The following FAM78B variants were observed in gnomAD, a reference collection of about 807,000 sequenced individuals.
The protein encoded by FAM78B is protein FAM78B.
In FAM78B, 10 loss-of-function variants were observed where a neutral mutation model predicts 20.0. That is an observed-to-expected ratio of 0.50 (90% CI 0.31 to 0.85). The LOEUF is 0.85. Ranked by LOEUF, FAM78B falls within the 40% of genes least tolerant of loss-of-function variation. The pLI, the probability that FAM78B is intolerant of heterozygous loss-of-function variation, is 0.05. For synonymous variants in FAM78B, 135 were observed against 132.8 expected (o/e 1.02, Z -0.12); for missense variants, 283 against 345.0 (o/e 0.82, Z 1.42).
At chr1:166,062,063 G>A (rs1253243510) in intron 2 of FAM78B, among the ~76,000 whole-genome samples, 2 of 152,176 alleles carry the variant, frequency 1.3e-5, no homozygotes, top group Middle Eastern at 3.2e-3. Context: ...TTAAATGCAC[G>A]TTTGGATTCT....
intron 1 of FAM78B, among the ~76,000 whole-genome samples, chr1:166,148,128 A>G (rs1655534553): frequency 6.6e-6 from 1 of 152,236 alleles, no homozygotes; most frequent in South Asian, 2.1e-4. Flanking sequence ...AGATGAATGC[A>G]AAGTAAGATA....
rs1651957115 is a variant in FAM78B at position 166,070,054 on chromosome 1, G to A, written c.*187C>T. 2 of 1,265,586 alleles carry A rather than the reference G, an allele frequency of 1.6e-6. No homozygotes were observed. 78.4% of individuals were successfully genotyped at this position (1,265,586 alleles called of 1,614,324 possible). ...GATTTCTTTATTCCTAAGAGGAAGG[G>A]ATTTTTCCTAAGGATTATGGTTCTA... On this transcript the variant is annotated 3_prime_UTR_variant, in exon 2 of 2. Coordinates refer to ENST00000354422, the MANE Select transcript of FAM78B (RefSeq NM_001017961.5).
chr1:166,109,900 A>ATGTG lies in FAM78B; in HGVS notation c.264-39138_264-39137insCACA, dbSNP rs1553219518. ...TATATATGTATATATGTATATATAT[A>ATGTG]TATATATATATATATATATAATGGA... is the stretch of plus-strand genomic sequence containing the variant. On this transcript the variant is annotated intron_variant, in intron 1 of 1. Transcript: ENST00000354422. Among the ~76,000 whole-genome samples, 4 of 102,780 alleles carry ATGTG rather than the reference A, an allele frequency of 3.9e-5. 2 individuals are homozygous for ATGTG. The highest frequency in any genetic ancestry group is 6.8e-4 in the South Asian group (2 of 2,928). 67.4% of individuals were successfully genotyped at this position (102,780 alleles called of 152,430 possible). A position where few individuals can be genotyped will look rare whatever the true frequency, so the allele number is the denominator to read the frequency against.
At chr1:166,063,542 A>G (rs1171410406) in intron 2 of FAM78B, among the ~76,000 whole-genome samples, 3 of 151,716 alleles carry the variant, frequency 2.0e-5, no homozygotes, top group Non-Finnish European at 2.9e-5. Context: ...ACAATATAGC[A>G]AGACTCCAGC....
At chr1:166,153,365 G>A (rs958808790) in intron 1 of FAM78B, among the ~76,000 whole-genome samples, 1 of 152,220 alleles carries the variant, frequency 6.6e-6, no homozygotes, top group Non-Finnish European at 1.5e-5. Flanking sequence ...CCCAAGACAA[G>A]CAGAGGGTCA....
chr1:166,107,639 C>T (rs1476734812), intron 1 of FAM78B, among the ~76,000 whole-genome samples: 1 of 152,102 alleles, frequency 6.6e-6, no homozygotes, highest in South Asian at 2.1e-4. Context: ...CTAATTCATT[C>T]TATGAAGCCA....
At chr1:166,136,561 C>T (rs1655072449) in intron 1 of FAM78B, among the ~76,000 whole-genome samples, 1 of 152,136 alleles carries the variant, frequency 6.6e-6, no homozygotes. Flanking sequence ...CTCTTTACAA[C>T]AGCATAACTT....
Position 166,166,465 on chromosome 1 carries a change from G to A in FAM78B, c.-217C>T, listed in dbSNP as rs2101812152. On this transcript the variant is annotated 5_prime_UTR_variant, in exon 1 of 2. Transcript: ENST00000354422. ...GCTGCCCCGACGTCCGCCCACGCCC[G>A]CCCCCTCGCTCCGGCAGGGCGCGCG... is the stretch of plus-strand genomic sequence containing the variant. The A allele has an allele frequency of 9.8e-6, 2 of 203,756 alleles. No homozygotes were observed. The highest frequency in any genetic ancestry group is 1.8e-4 in the East Asian group (1 of 5,654). The allele number at this position is 203,756 out of a possible 1,614,324, so 12.6% of individuals were successfully genotyped here. A position where few individuals can be genotyped will look rare whatever the true frequency, so the allele number is the denominator to read the frequency against.
At chr1:166,106,973 A>C (rs967918226) in intron 1 of FAM78B, among the ~76,000 whole-genome samples, 1 of 152,144 alleles carries the variant, frequency 6.6e-6, no homozygotes, top group African/African-American at 2.4e-5. Context: ...GACACAACCT[A>C]CCGAAATCTC....
chr1:166,113,485 C>T (rs1310586195), intron 1 of FAM78B, among the ~76,000 whole-genome samples: 2 of 152,202 alleles, frequency 1.3e-5, no homozygotes, highest in Non-Finnish European at 2.9e-5. Flanking sequence ...ACTAAGCATA[C>T]AACTAAATTT....
chr1:166,096,799 C>G (rs1041959651), intron 1 of FAM78B, among the ~76,000 whole-genome samples: 1 of 152,108 alleles, frequency 6.6e-6, no homozygotes, highest in African/African-American at 2.4e-5. Context: ...GTCCTACGAT[C>G]CAGAGAAGAT....
At chr1:166,153,846 C>A (rs1045860172) in intron 1 of FAM78B, among the ~76,000 whole-genome samples, 2 of 152,156 alleles carry the variant, frequency 1.3e-5, no homozygotes, top group African/African-American at 4.8e-5. Flanking sequence ...TCTATACCCC[C>A]CTTAGATCCC....
intron 1 of FAM78B, among the ~76,000 whole-genome samples, chr1:166,156,724 A>G (rs1468679674): frequency 2.6e-5 from 4 of 152,124 alleles, no homozygotes; most frequent in Non-Finnish European, 4.4e-5. Flanking sequence ...TGTTGGTCTC[A>G]CTGTCCCCCT....
At position 166,070,647 on chromosome 1, in the gene FAM78B, G is replaced by A; in HGVS notation, c.380C>T (p.Pro127Leu). Residue 127 changes from proline to leucine, a missense_variant, in exon 2 of 2, where the codon CCC becomes CTC. Physicochemically the swap from Pro to Leu is moderately conservative, Grantham distance 98. Coordinates refer to ENST00000354422, the MANE Select transcript of FAM78B (RefSeq NM_001017961.5). ...GGAGAACCTGGAGATCTTGTTGGTG[G>A]GGCCAACCAGGGTCACAGTTTCTGT... ...NTTETVTLVG[P>L]TNKISRFSVS... The A allele has an allele frequency of 6.2e-7, 1 of 1,613,714 alleles. No individual in the cohort carries two copies. Among genetic ancestry groups the A allele is most frequent in the Non-Finnish European group, 8.5e-7 (1 of 1,180,016 alleles).
chr1:166,164,637 A>G (rs1656288575), intron 1 of FAM78B, among the ~76,000 whole-genome samples: 1 of 152,220 alleles, frequency 6.6e-6, no homozygotes, highest in South Asian at 2.1e-4. Flanking sequence ...AAGGAAAACA[A>G]CGACCTGTCA....
chr1:166,068,418 A>T (rs1408745714), downstream of FAM78B, among the ~76,000 whole-genome samples: 5 of 152,222 alleles, frequency 3.3e-5, no homozygotes. Context: ...TGTTATAAAT[A>T]ACTTGCCATC....
intron 1 of FAM78B, among the ~76,000 whole-genome samples, chr1:166,075,809 T>A (rs753062646): frequency 9.9e-5 from 15 of 152,224 alleles, no homozygotes; most frequent in Non-Finnish European, 2.1e-4. Context: ...TGATTTTAAG[T>A]ACCATCTGCA....
intron 1 of FAM78B, among the ~76,000 whole-genome samples, chr1:166,116,251 G>A (rs1367314828): frequency 6.6e-6 from 1 of 152,136 alleles, no homozygotes; most frequent in East Asian, 1.9e-4. Context: ...TTGGCTTCTG[G>A]GCTCTTCATT....
chr1:166,081,540 G>A (rs567239991), intron 1 of FAM78B, among the ~76,000 whole-genome samples: 6 of 152,200 alleles, frequency 3.9e-5, no homozygotes, highest in Non-Finnish European at 8.8e-5. Context: ...GCGCCGTGCA[G>A]GCCCAGGCTG....
Sources: gnomAD v4.1 joint callset for allele counts (sites outside exome capture counted in the v4.1 genomes callset) on GRCh38, gnomAD v4.1.1 for gene constraint, MANE v1.5 for transcripts, NCBI Gene and HGNC (gene_info 2026-07-23, HGNC 2026-07-21) for gene names.